Variants in DOCK6 observed in about 807,000 individuals in gnomAD.
The protein encoded by DOCK6 is dedicator of cytokinesis protein 6.
In DOCK6, 167 loss-of-function variants were observed where a neutral mutation model predicts 230.3. The ratio of observed to expected loss-of-function variants is 0.73; its 90% confidence interval spans 0.64 to 0.82. DOCK6 has a LOEUF of 0.82. Among genes scored for constraint, DOCK6 ranks in the 40% least tolerant of loss-of-function variants. The pLI is 0.00. For synonymous variants in DOCK6, 1,148 were observed against 1,185.0 expected, an observed-to-expected ratio of 0.97 and a Z score of 0.64; for missense variants, 2,598 against 2,825.8, an observed-to-expected ratio of 0.92 and a Z score of 1.83.
Position 11,204,210 on chromosome 19 carries a change from A to G in DOCK6, c.5210T>C (p.Ile1737Thr), listed in dbSNP as rs2079219846. 3 of 1,557,140 alleles carry G rather than the reference A, an allele frequency of 1.9e-6. No individual in the cohort carries two copies. The highest frequency in any genetic ancestry group is 2.6e-6 in the Non-Finnish European group (3 of 1,149,542). ...GGGTCCTGGGCCCACCTGGTGCATGATCTTGGTGAAGGCCTCCTGCAGTTT... is the reference window on the plus strand; with the variant it reads ...GGGTCCTGGGCCCACCTGGTGCATGGTCTTGGTGAAGGCCTCCTGCAGTTT... ...HGKLQEAFTK[I>T]MHQSSGWERV... is the part of the protein sequence containing the mutation. The change falls in exon 40 of 48, where the codon ATC becomes ACC. Residue 1737 changes from isoleucine to threonine, a missense_variant. By Grantham distance (89) the Ile-to-Thr change is moderately conservative. Transcript: ENST00000294618.
In DOCK6 at chr19:11,252,347, G is replaced by A. The variant is rs548455908; in HGVS notation, c.378-99C>T. On this transcript the variant is annotated intron_variant, in intron 4 of 47. Transcript: ENST00000294618. ...CCTACATGGCACCTTCAAAGCCACC[G>A]TCCTTGTGCTCCACCAGACAAGTTT... 1.8e-5 allele frequency: 28 copies of A among 1,574,250 alleles called. No individual in the cohort carries two copies. The Admixed American group carries it at 2.3e-4, about 13-fold the overall frequency.
At position 11,199,336 on chromosome 19, in the gene DOCK6, A is replaced by C; in HGVS notation, c.*161T>G. On this transcript the variant is annotated 3_prime_UTR_variant, in exon 48 of 48. Coordinates refer to ENST00000294618, the MANE Select transcript of DOCK6 (RefSeq NM_020812.4). ...TTTTAAATTAAAAAAGGGAGGAAGC[A>C]TCAGTGCACACAGATGGGGACACAG... 1.2e-6 allele frequency: 1 copy of C among 821,220 alleles called. No individual in the cohort carries two copies. The highest frequency in any genetic ancestry group is 1.9e-6 in the Non-Finnish European group (1 of 513,352). The allele number at this position is 821,220 out of a possible 1,614,324, so 50.9% of individuals were successfully genotyped here. A position where few individuals can be genotyped will look rare whatever the true frequency, so the allele number is the denominator to read the frequency against.
Position 11,222,422 on chromosome 19 carries a change from A to G in DOCK6, c.3241-174T>C. On this transcript the variant is annotated intron_variant, in intron 26 of 47. Transcript: ENST00000294618. This position sits in a 1 kb window ranked among gnomAD's most constrained non-coding sequence, Gnocchi z 4.0. ...GGCATGGGTTTCAAGGCCAGAAGTG[A>G]GGGGCTGACGTTAACCCATCTGTGA... The G allele has an allele frequency of 2.2e-6, 2 of 929,244 alleles. No homozygotes were observed. The highest frequency in any genetic ancestry group is 3.2e-6 in the Non-Finnish European group (2 of 632,548). 57.6% of individuals were successfully genotyped at this position (929,244 alleles called of 1,614,324 possible).
chr19:11,232,508 G>A (rs1267666513), intron 22 of DOCK6, among the ~76,000 whole-genome samples: 1 of 152,134 alleles, frequency 6.6e-6, no homozygotes, highest in Non-Finnish European at 1.5e-5. Flanking sequence ...ACCCCTGTAA[G>A]TCTGTGCATG....
rs1222236657 is a variant in DOCK6 at position 11,248,110 on chromosome 19, G to A, written c.762C>T (p.Arg254=). Residue 254 remains arginine (R), a synonymous_variant, in exon 7 of 48, where the codon CGC becomes CGT. Coordinates refer to ENST00000294618, the MANE Select transcript of DOCK6 (RefSeq NM_020812.4). The part of the protein sequence containing the change: ...VERCSRPEPP[R]EHFGQRILVK... ...CCAAGATCCTTTGTCCAAAGTGCTCGCGGGGTGGCTCTGGGCGGCTACAGC... is the reference window on the plus strand; with the variant it reads ...CCAAGATCCTTTGTCCAAAGTGCTCACGGGGTGGCTCTGGGCGGCTACAGC... The A allele has an allele frequency of 8.1e-6, 13 of 1,612,666 alleles. No individual in the cohort carries two copies. The highest frequency in any genetic ancestry group is 2.2e-5 in the South Asian group (2 of 90,694).
chr19:11,253,767 C>A, intron 1 of DOCK6, 41 bp from the exon 2 acceptor site: 2 of 1,334,516 alleles, frequency 1.5e-6, no homozygotes, highest in South Asian at 2.9e-5. Flanking sequence ...CGGGAAAACT[C>A]AGGCAGCGGA....
intron 7 of DOCK6, 76 bp from the exon 8 acceptor site, chr19:11,245,954 CA>C: frequency 3.3e-6 from 5 of 1,515,554 alleles, no homozygotes; most frequent in Non-Finnish European, 4.5e-6. Flanking sequence ...TCTTGAGGCC[CA>C]AGGTGGGGGG....
chr19:11,252,987 C>T, intron 2 of DOCK6, 29 bp from the exon 3 acceptor site: 1 of 1,581,380 alleles, frequency 6.3e-7, no homozygotes, highest in Non-Finnish European at 8.6e-7. Context: ...GCTGTGATCG[C>T]ACTACCTAGG....
intron 1 of DOCK6, among the ~76,000 whole-genome samples, chr19:11,260,436 T>C (rs892597854): frequency 6.6e-6 from 1 of 151,598 alleles, no homozygotes; most frequent in African/African-American, 2.4e-5. Flanking sequence ...AAAAGTTAGC[T>C]GAGTGTTGCA....
Position 11,202,756 on chromosome 19 carries a change from A to T in DOCK6, c.5236-47T>A. ...TGGTTGTCCGGGAGGCCCCTGCTGG[A>T]GGTCTCCCTGCCCCAGAGATAGGTG... On this transcript the variant is annotated intron_variant, in intron 41 of 47. Coordinates refer to ENST00000294618, the MANE Select transcript of DOCK6 (RefSeq NM_020812.4). The surrounding 1 kb of genome is among the most constrained non-coding windows in gnomAD (Gnocchi z 5.3). 2 of 1,608,892 alleles carry T rather than the reference A, an allele frequency of 1.2e-6. No individual in the cohort carries two copies. The highest frequency in any genetic ancestry group is 1.7e-6 in the Non-Finnish European group (2 of 1,179,794).
chr19:11,215,955 G>C (rs766259781), intron 30 of DOCK6, 28 bp from the exon 31 acceptor site: 9 of 1,613,032 alleles, frequency 5.6e-6, no homozygotes, highest in Non-Finnish European at 7.6e-6. Flanking sequence ...TGGGGTTCCA[G>C]GCTGACTCTG....
At chr19:11,223,874 T>C (rs1272001279) in intron 24 of DOCK6, among the ~76,000 whole-genome samples, 1 of 152,176 alleles carries the variant, frequency 6.6e-6, no homozygotes, top group Non-Finnish European at 1.5e-5. Context: ...CTCGAACTCC[T>C]GACCTCAGGT....
chr19:11,205,197 G>A (rs2079237544), intron 39 of DOCK6, among the ~76,000 whole-genome samples: 1 of 152,196 alleles, frequency 6.6e-6, no homozygotes, highest in African/African-American at 2.4e-5. Flanking sequence ...GCTTTTGTGT[G>A]TGTATGGTTT....
At position 11,211,838 on chromosome 19, in the gene DOCK6, C is replaced by T. The variant is rs1321096936; in HGVS notation, c.4689G>A (p.Thr1563=). 1.5e-5 allele frequency: 24 copies of T among 1,552,580 alleles called. No individual in the cohort carries two copies. Among genetic ancestry groups the T allele is most frequent in the Middle Eastern group, 1.7e-4 (1 of 5,992 alleles). Residue 1563 remains threonine (T), a synonymous_variant, in exon 37 of 48, where the codon ACG becomes ACA. Transcript: ENST00000294618. ...GGTGTTCCTTCATCTTCACCGTGTCCGTCAGGATCATGTGCAGGTTGAACA... is the reference window on the plus strand; with the variant it reads ...GGTGTTCCTTCATCTTCACCGTGTCTGTCAGGATCATGTGCAGGTTGAACA... The part of the protein sequence containing the change: ...DLMFNLHMIL[T]DTVKMKEHQE...
intron 30 of DOCK6, 140 bp from the exon 31 acceptor site, chr19:11,216,067 T>G: frequency 9.0e-7 from 1 of 1,113,774 alleles, no homozygotes; most frequent in Non-Finnish European, 1.2e-6. Flanking sequence ...TCCTCTAAAT[T>G]CTTAGCACTT....
rs1263808401 is a variant in DOCK6 at position 11,222,722 on chromosome 19, G to A, written c.3240+13C>T. On this transcript the variant is annotated intron_variant, in intron 26 of 47. Transcript: ENST00000294618. The surrounding 1 kb of genome is among the most constrained non-coding windows in gnomAD (Gnocchi z 4.0). ...TAGGTCAAAGAGAGGAGGCAGAAGT[G>A]AAGGCAGCCCACCTGGGAGGTGGTG... is the stretch of plus-strand genomic sequence containing the variant. The A allele has an allele frequency of 3.2e-6, 5 of 1,558,940 alleles. No individual in the cohort carries two copies. The highest frequency in any genetic ancestry group is 1.4e-5 in the African/African-American group (1 of 73,782).
At chr19:11,230,393 G>A (rs564328286) in intron 22 of DOCK6, among the ~76,000 whole-genome samples, 3 of 152,280 alleles carry the variant, frequency 2.0e-5, no homozygotes, top group African/African-American at 4.8e-5. Context: ...AACACAGTAC[G>A]CCAGTGACCA....
At chr19:11,239,336 C>A (rs752393074) in intron 14 of DOCK6, among the ~76,000 whole-genome samples, 3 of 152,202 alleles carry the variant, frequency 2.0e-5, no homozygotes, top group Non-Finnish European at 4.4e-5. Flanking sequence ...ATCATCATTG[C>A]GATGCCTATT....
intron 35 of DOCK6, 65 bp downstream of exon 35, chr19:11,213,110 GT>G (rs2079419817): frequency 6.4e-7 from 1 of 1,564,040 alleles, no homozygotes. Context: ...TCCCTGTATG[GT>G]TGAGACCCCA....
Sources: allele counts gnomAD v4.1 joint callset (sites outside exome capture counted in the v4.1 genomes callset), GRCh38; gene constraint gnomAD v4.1.1; non-coding constraint Gnocchi (gnomAD v3.1); transcripts MANE v1.5; gene names NCBI Gene and HGNC (gene_info 2026-07-23, HGNC 2026-07-21).